The following GALNT11 variants were observed in gnomAD, a reference collection of about 807,000 sequenced individuals.
GALNT11 encodes the protein UDP-GalNAc:polypeptide N-acetylgalactosaminyltransferase 11.
In GALNT11, 47 loss-of-function variants were observed where a neutral mutation model predicts 72.7. The observed-to-expected ratio is 0.65, with a 90% CI of 0.51 to 0.82. The LOEUF (loss-of-function observed/expected upper bound fraction) is 0.82, where lower values mean the gene tolerates loss of function less well. Ranked by LOEUF, GALNT11 falls within the 40% of genes least tolerant of loss-of-function variation. The pLI is 0.00. For missense variants in GALNT11, 677 were observed against 778.4 expected, an observed-to-expected ratio of 0.87 and a Z score of 1.55; for synonymous variants, 270 against 286.6, an observed-to-expected ratio of 0.94 and a Z score of 0.58.
At position 152,060,846 on chromosome 7, in the gene GALNT11, G is replaced by A. The variant is rs186309603; in HGVS notation, c.-38-33344G>A. 5.9e-3 allele frequency among the ~76,000 whole-genome samples: 901 copies of A among 152,158 alleles called. 7 individuals are homozygous for A. The highest frequency in any genetic ancestry group is 8.9e-3 in the Non-Finnish European group (602 of 68,010). ...GTATAGTATTCCATGGTGTATATGCGCCACATTTTCTTAATCCAGTCTATC... is the reference window on the plus strand; with the variant it reads ...GTATAGTATTCCATGGTGTATATGCACCACATTTTCTTAATCCAGTCTATC... On this transcript the variant is annotated intron_variant, in intron 1 of 11. Transcript: ENST00000430044.
intron 1 of GALNT11, among the ~76,000 whole-genome samples, chr7:152,037,548 G>A (rs2082640340): frequency 6.6e-6 from 1 of 151,972 alleles, no homozygotes. Context: ...TGTTGTTTTT[G>A]CTCAGATAGC....
chr7:152,065,380 G>A (rs546365631), intron 1 of GALNT11, among the ~76,000 whole-genome samples: 19 of 152,226 alleles, frequency 1.2e-4, no homozygotes, highest in Admixed American at 5.9e-4. Context: ...GCTTCTTTGC[G>A]ATGCATTCGA....
At chr7:152,118,212 G>T in intron 9 of GALNT11, 1 of 174,620 alleles carries the variant, frequency 5.7e-6, no homozygotes, top group Non-Finnish European at 1.2e-5. Flanking sequence ...GTAGTTGATC[G>T]CTTACCATTA....
At chr7:152,117,583 T>G (rs1455529012) in intron 9 of GALNT11, 1 of 592,734 alleles carries the variant, frequency 1.7e-6, no homozygotes, top group Non-Finnish European at 2.9e-6. Flanking sequence ...CCGGCATAGC[T>G]GCCTTCTGTG....
At chr7:152,057,736 AT>A (rs1170178153) in intron 1 of GALNT11, among the ~76,000 whole-genome samples, 7 of 151,360 alleles carry the variant, frequency 4.6e-5, no homozygotes, top group African/African-American at 1.7e-4. Flanking sequence ...ATTCCCACAT[AT>A]CCCATATCCA....
At chr7:152,059,786 C>A (rs977651522) in intron 1 of GALNT11, among the ~76,000 whole-genome samples, 32 of 152,290 alleles carry the variant, frequency 2.1e-4, no homozygotes, top group African/African-American at 6.3e-4. Flanking sequence ...TGTTCCATTT[C>A]TAGAGCACAG....
At chr7:152,043,839 C>T (rs772732229) in intron 1 of GALNT11, among the ~76,000 whole-genome samples, 11 of 152,192 alleles carry the variant, frequency 7.2e-5, no homozygotes, top group Non-Finnish European at 1.3e-4. Context: ...ACTCTCCTTC[C>T]TCCTCATCAG....
intron 1 of GALNT11, among the ~76,000 whole-genome samples, chr7:152,034,927 T>C (rs1422959565): frequency 2.6e-5 from 4 of 152,108 alleles, no homozygotes; most frequent in Non-Finnish European, 5.9e-5. Context: ...TACTGATGCA[T>C]TCTCGAAAAC....
intron 8 of GALNT11, chr7:152,116,867 TTC>T (rs543422630): frequency 1.8e-5 from 10 of 554,440 alleles, no homozygotes; most frequent in Middle Eastern, 5.6e-4. Flanking sequence ...ATTTGTAGGT[TTC>T]TCTGTTTTAA....
intron 5 of GALNT11, 187 bp from the exon 6 acceptor site, chr7:152,107,824 AATCACAGCAGGACACTGCACGCAGCAT>A: frequency 2.2e-6 from 1 of 464,176 alleles, no homozygotes; most frequent in African/African-American, 1.9e-5. Context: ...TGGGTCCCTC[AATCACAGCAGGACACTGCACGCAGCAT>A]TACTGGCTGA....
At chr7:152,061,907 A>G (rs902009840) in intron 1 of GALNT11, among the ~76,000 whole-genome samples, 1 of 152,268 alleles carries the variant, frequency 6.6e-6, no homozygotes, top group East Asian at 1.9e-4. Flanking sequence ...GTCAGATAGC[A>G]TGATGCCTCC....
rs1203697654 is a variant in GALNT11 at position 152,094,475 on chromosome 7, GTGT to G, written c.251_253del (p.Val84del). On this transcript the variant is annotated inframe_deletion, in exon 2 of 12. Coordinates refer to ENST00000430044, the MANE Select transcript of GALNT11 (RefSeq NM_022087.4). The surrounding 1 kb of genome is among the most constrained non-coding windows in gnomAD (Gnocchi z 4.3). ...AAAATTGACGATGTGATAGACAGTC[GTGT>G]TGAAGATCCAGAAGAAGGCCACTTG... 1 of 1,613,604 alleles carries G rather than the reference GTGT, an allele frequency of 6.2e-7. No individual in the cohort carries two copies. The highest frequency in any genetic ancestry group is 8.5e-7 in the Non-Finnish European group (1 of 1,179,770).
chr7:152,107,779 G>T (rs1320276752), intron 5 of GALNT11: 2 of 328,608 alleles, frequency 6.1e-6, no homozygotes, highest in Middle Eastern at 8.6e-4. Context: ...TGAATTGCCT[G>T]TCAGTTTTTT....
rs867106386 is a variant in GALNT11 at position 152,094,506 on chromosome 7, AT to A, written c.281del (p.Phe94SerfsTer5). The A allele has an allele frequency of 6.2e-7, 1 of 1,610,278 alleles. No homozygotes were observed. The highest frequency in any genetic ancestry group is 1.3e-5 in the African/African-American group (1 of 74,798). On this transcript the variant is annotated frameshift_variant, in exon 2 of 12. Coordinates refer to ENST00000430044, the MANE Select transcript of GALNT11 (RefSeq NM_022087.4). LOFTEE classifies it high-confidence loss of function. This position sits in a 1 kb window ranked among gnomAD's most constrained non-coding sequence, Gnocchi z 4.3. ...VEDPEEGHLK[F>X]SSELGMIFNE... ...AAGATCCAGAAGAAGGCCACTTGAA[AT>A]TCTCTTCTGAATTAGGTAAGTATAT...
intron 1 of GALNT11, among the ~76,000 whole-genome samples, chr7:152,087,026 AT>A (rs561296023): frequency 2.5e-3 from 380 of 151,400 alleles, no homozygotes; most frequent in Admixed American, 6.3e-3. Context: ...TATTACAGTA[AT>A]TTTTTTCATT....
Position 152,094,664 on chromosome 7 carries a change from G to C in GALNT11, c.295+142G>C. On this transcript the variant is annotated intron_variant, in intron 2 of 11. Transcript: ENST00000430044. The surrounding 1 kb of genome is among the most constrained non-coding windows in gnomAD (Gnocchi z 4.3). ...TTGTTTGTGAACTACCTGAAGTTCT[G>C]TGGTTTCTGCAGACTCAGTGGGGAG... is the stretch of plus-strand genomic sequence containing the variant. 1 of 939,298 alleles carries C rather than the reference G, an allele frequency of 1.1e-6. No homozygotes were observed. The highest frequency in any genetic ancestry group is 1.5e-6 in the Non-Finnish European group (1 of 653,026). 58.2% of individuals were successfully genotyped at this position (939,298 alleles called of 1,614,324 possible).
At chr7:152,065,287 A>G (rs1005879091) in intron 1 of GALNT11, among the ~76,000 whole-genome samples, 24 of 152,304 alleles carry the variant, frequency 1.6e-4, no homozygotes, top group Non-Finnish European at 1.5e-4. Context: ...TTCTCGTGCC[A>G]TGGTTTTCAG....
intron 1 of GALNT11, among the ~76,000 whole-genome samples, chr7:152,061,498 T>C (rs2084015310): frequency 6.6e-6 from 1 of 152,210 alleles, no homozygotes; most frequent in South Asian, 2.1e-4. Flanking sequence ...ATTTGTCAAT[T>C]TTGGCTTTTG....
intron 1 of GALNT11, among the ~76,000 whole-genome samples, chr7:152,078,996 T>TG (rs140734753): frequency 0.066 from 9,991 of 152,246 alleles, 1,131 homozygotes; most frequent in African/African-American, 0.23. Context: ...CTGTCTCCCT[T>TG]GCCGACTGGG....
Sources: gnomAD v4.1 joint callset for allele counts (sites outside exome capture counted in the v4.1 genomes callset) on GRCh38, gnomAD v4.1.1 for gene constraint, Gnocchi (gnomAD v3.1) non-coding constraint, MANE v1.5 for transcripts, NCBI Gene and HGNC (gene_info 2026-07-23, HGNC 2026-07-21) for gene names.